NTRK2: variants seen among roughly 807,000 people sequenced by gnomAD.
NTRK2 encodes the protein BDNF/NT-3 growth factors receptor.
In NTRK2, 13 loss-of-function variants were observed where a neutral mutation model predicts 94.5. That is an observed-to-expected ratio of 0.14 (90% confidence interval 0.09 to 0.22). The LOEUF (loss-of-function observed/expected upper bound fraction) is 0.22. NTRK2 is among the 10% of genes least tolerant of loss of function. NTRK2 has a pLI of 1.00. For synonymous variants in NTRK2, 372 were observed against 407.4 expected (o/e 0.91, Z 1.05); for missense variants, 639 against 1,071.2 (o/e 0.60, Z 5.63).
chr9:84,953,998 G>C (rs1823793211), intron 16 of NTRK2, among the ~76,000 whole-genome samples: 3 of 152,190 alleles, frequency 2.0e-5, no homozygotes, highest in African/African-American at 7.2e-5. Flanking sequence ...GAATAGTTGG[G>C]GGAAGGAGGG....
At chr9:84,949,986 G>A (rs1401586488) in intron 16 of NTRK2, among the ~76,000 whole-genome samples, 1 of 152,236 alleles carries the variant, frequency 6.6e-6, no homozygotes, top group Non-Finnish European at 1.5e-5. Flanking sequence ...GATACCAGTA[G>A]GGATTTTGGC....
chr9:84,673,278 G>A (rs1439050), intron 2 of NTRK2, among the ~76,000 whole-genome samples: 1 of 151,886 alleles, frequency 6.6e-6, no homozygotes, highest in Non-Finnish European at 1.5e-5. Flanking sequence ...TGTTTCACTC[G>A]CATCCTTATA....
chr9:84,856,180 C>T (rs1287566101), intron 12 of NTRK2, among the ~76,000 whole-genome samples: 1 of 152,124 alleles, frequency 6.6e-6, no homozygotes, highest in African/African-American at 2.4e-5. Flanking sequence ...TGATGAAGGA[C>T]AAGGGATGGA....
chr9:84,769,428 G>A (rs919601420), intron 12 of NTRK2, among the ~76,000 whole-genome samples: 1 of 152,168 alleles, frequency 6.6e-6, no homozygotes, highest in African/African-American at 2.4e-5. Context: ...TATAGATAAA[G>A]ATGTAGAGGC....
chr9:84,964,120 G>T (rs895243300), intron 17 of NTRK2, among the ~76,000 whole-genome samples: 3 of 152,172 alleles, frequency 2.0e-5, no homozygotes, highest in Admixed American at 6.5e-5. Flanking sequence ...TGCATGCTTG[G>T]TAGTTTTAAG....
intron 6 of NTRK2, among the ~76,000 whole-genome samples, chr9:84,717,598 C>T (rs1006402682): frequency 6.6e-6 from 1 of 152,174 alleles, no homozygotes; most frequent in Non-Finnish European, 1.5e-5. Context: ...GCCTTAACTT[C>T]TTCATCTGGA....
rs368319500 is a variant in NTRK2 at position 84,815,231 on chromosome 9, G to A, written c.1397-45809G>A. On this transcript the variant is annotated intron_variant, in intron 12 of 18. Transcript: ENST00000277120. ...AGGCTAGTGTTGCAGTATAGCTTTG[G>A]CATGTTCATGAGTGAGCACCCAGAA... is the stretch of plus-strand genomic sequence containing the variant. The A allele has an allele frequency of 1.8e-5, 19 of 1,056,050 alleles. No individual in the cohort carries two copies. The East Asian group carries it at 9.5e-4, about 53-fold the overall frequency. The allele number at this position is 1,056,050 out of a possible 1,614,324, so 65.4% of individuals were successfully genotyped here.
intron 13 of NTRK2, among the ~76,000 whole-genome samples, chr9:84,866,409 G>C (rs1371597836): frequency 6.6e-6 from 1 of 152,204 alleles, no homozygotes; most frequent in Non-Finnish European, 1.5e-5. Context: ...GAGGTCCAAA[G>C]AAAGTAAGTG....
chr9:84,837,899 A>G (rs2073966140), intron 12 of NTRK2, among the ~76,000 whole-genome samples: 1 of 152,232 alleles, frequency 6.6e-6, no homozygotes, highest in Non-Finnish European at 1.5e-5. Flanking sequence ...TAATATCTGA[A>G]GCAACACAAG....
intron 17 of NTRK2, among the ~76,000 whole-genome samples, chr9:84,960,634 C>T (rs1824801497): frequency 6.6e-6 from 1 of 152,210 alleles, no homozygotes; most frequent in African/African-American, 2.4e-5. Context: ...ACACCATTCC[C>T]TCTATGAGGA....
intron 17 of NTRK2, among the ~76,000 whole-genome samples, chr9:84,988,100 G>A (rs1049178354): frequency 4.6e-5 from 7 of 152,224 alleles, no homozygotes; most frequent in African/African-American, 1.4e-4. Flanking sequence ...CACCCTTGTG[G>A]GTTGGTAGTT....
chr9:84,836,052 G>A (rs1375735855), intron 12 of NTRK2, among the ~76,000 whole-genome samples: 1 of 152,162 alleles, frequency 6.6e-6, no homozygotes, highest in Admixed American at 6.5e-5. Context: ...AGAAATCTCA[G>A]GGAAACAGAG....
At chr9:84,926,174 CTTTCTTTCTTTCTTTCTTTCTTT>C (rs2077795248) in intron 14 of NTRK2, among the ~76,000 whole-genome samples, 1 of 58,602 alleles carries the variant, frequency 1.7e-5, no homozygotes, top group Admixed American at 1.9e-4. Context: ...TCCTTCCTTT[CTTTCTTTCTTTCTTTCTTTCTTT>C]CTTTCTTTCT....
chr9:84,751,250 T>C (rs2064577037), intron 11 of NTRK2, among the ~76,000 whole-genome samples: 2 of 152,156 alleles, frequency 1.3e-5, no homozygotes, highest in African/African-American at 2.4e-5. Flanking sequence ...GTAGAGAGAA[T>C]AGTAAAATGA....
chr9:84,859,517 G>A (rs1471809961), intron 12 of NTRK2, among the ~76,000 whole-genome samples: 3 of 152,144 alleles, frequency 2.0e-5, no homozygotes, highest in East Asian at 3.9e-4. Flanking sequence ...GTGTAAAGAT[G>A]TTCATTGCAG....
At chr9:84,732,482 G>A (rs1371163253) in intron 9 of NTRK2, among the ~76,000 whole-genome samples, 1 of 152,152 alleles carries the variant, frequency 6.6e-6, no homozygotes, top group African/African-American at 2.4e-5. Context: ...CTCACTGATT[G>A]GAGGAGAACT....
At chr9:84,790,181 G>A (rs2068584419) in intron 12 of NTRK2, among the ~76,000 whole-genome samples, 1 of 152,100 alleles carries the variant, frequency 6.6e-6, no homozygotes. Flanking sequence ...ATGAAGTCAA[G>A]CAAACGTTTA....
At chr9:84,896,103 T>C (rs1174453505) in intron 14 of NTRK2, among the ~76,000 whole-genome samples, 1 of 152,234 alleles carries the variant, frequency 6.6e-6, no homozygotes, top group African/African-American at 2.4e-5. Flanking sequence ...GGTGTGTTTG[T>C]TTATGTGTTT....
intron 2 of NTRK2, among the ~76,000 whole-genome samples, chr9:84,698,470 A>G (rs553002386): frequency 1.3e-5 from 2 of 152,148 alleles, no homozygotes; most frequent in Non-Finnish European, 2.9e-5. Context: ...TTTTGACTCT[A>G]TGACAATGAA....
Sources: gnomAD v4.1 joint callset for allele counts (sites outside exome capture counted in the v4.1 genomes callset) on GRCh38, gnomAD v4.1.1 for gene constraint, MANE v1.5 for transcripts, NCBI Gene and HGNC (gene_info 2026-07-23, HGNC 2026-07-21) for gene names.